NTN1: variants seen among roughly 807,000 people sequenced by gnomAD.
NTN1 encodes netrin 1.
In NTN1, 11 loss-of-function variants were observed where a neutral mutation model predicts 54.2. That is an observed-to-expected ratio of 0.20 (90% CI 0.13 to 0.34). NTN1 has a LOEUF of 0.34. Ranked by LOEUF, NTN1 falls within the 10% of genes least tolerant of loss-of-function variation. The pLI is 1.00. For synonymous variants in NTN1, 371 were observed against 382.0 expected (o/e 0.97, Z 0.33); for missense variants, 740 against 893.1 (o/e 0.83, Z 2.18).
chr17:9,194,318 G>A (rs1295829067), intron 5 of NTN1, among the ~76,000 whole-genome samples: 5 of 152,162 alleles, frequency 3.3e-5, no homozygotes, highest in Non-Finnish European at 5.9e-5. Context: ...GGCTGCTTTC[G>A]AGGATGCAAA....
intron 2 of NTN1, among the ~76,000 whole-genome samples, chr17:9,154,543 T>C (rs4791803): frequency 0.5 from 75,439 of 151,916 alleles, 18,923 homozygotes; most frequent in African/African-American, 0.52. Context: ...AGGAGCCCTT[T>C]GAGAGGTTGG....
intron 2 of NTN1, among the ~76,000 whole-genome samples, chr17:9,133,210 G>A (rs2092271090): frequency 6.6e-6 from 1 of 152,188 alleles, no homozygotes; most frequent in Non-Finnish European, 1.5e-5. Flanking sequence ...GGAGTCTGAC[G>A]GATGCCACCA....
At chr17:9,146,449 C>T (rs1010291876) in intron 2 of NTN1, among the ~76,000 whole-genome samples, 2 of 152,192 alleles carry the variant, frequency 1.3e-5, no homozygotes, top group Non-Finnish European at 2.9e-5. Flanking sequence ...GCACAGACTT[C>T]CTGCCCATTT....
intron 2 of NTN1, among the ~76,000 whole-genome samples, chr17:9,052,054 C>T (rs1442699325): frequency 6.6e-6 from 1 of 152,024 alleles, no homozygotes; most frequent in African/African-American, 2.4e-5. Context: ...CTCACTGCAA[C>T]CTCTGCCTTC....
chr17:9,095,409 C>T (rs1260782316), intron 2 of NTN1, among the ~76,000 whole-genome samples: 1 of 152,200 alleles, frequency 6.6e-6, no homozygotes, highest in Non-Finnish European at 1.5e-5. Flanking sequence ...ATTTTTTATA[C>T]TTAAATCTTG....
intron 2 of NTN1, among the ~76,000 whole-genome samples, chr17:9,148,912 C>G (rs553858525): frequency 9.2e-4 from 140 of 152,012 alleles, no homozygotes; most frequent in Middle Eastern, 3.4e-3. Context: ...AAAGGTCAAG[C>G]AGGGAGGGAT....
chr17:9,171,294 C>T (rs1402017132), intron 3 of NTN1: 2 of 152,208 alleles, frequency 1.3e-5, no homozygotes, highest in East Asian at 1.9e-4. Flanking sequence ...GGACTGTCAT[C>T]CCACCTGCCC....
At chr17:9,015,608 C>T in the NTN1 span, among the ~76,000 whole-genome samples, 1 of 152,150 alleles carries the variant, frequency 6.6e-6, no homozygotes, top group East Asian at 1.9e-4. Context: ...TCGTCCTCCT[C>T]ACTGATTGCT....
chr17:9,231,138 C>T (rs1467146603), intron 6 of NTN1, among the ~76,000 whole-genome samples: 1 of 152,170 alleles, frequency 6.6e-6, no homozygotes, highest in Admixed American at 6.5e-5. Context: ...TACCCGCTGG[C>T]TCTCCCCTGG....
In NTN1 at chr17:9,212,617, C is replaced by T. The variant is rs1217574622; in HGVS notation, c.1412-8551C>T. Among the ~76,000 whole-genome samples, 1 of 152,212 alleles carries T rather than the reference C, an allele frequency of 6.6e-6. No homozygotes were observed. The highest frequency in any genetic ancestry group is 1.9e-4 in the East Asian group (1 of 5,200). ...CCCCTTAAACTCTTTCACCCTGGGCCAGGGAGAACCAGGGGCTCCTCCCCT... is the reference window on the plus strand; with the variant it reads ...CCCCTTAAACTCTTTCACCCTGGGCTAGGGAGAACCAGGGGCTCCTCCCCT... On this transcript the variant is annotated intron_variant, in intron 5 of 6. Transcript: ENST00000173229. This position sits in a 1 kb window ranked among gnomAD's most constrained non-coding sequence, Gnocchi z 5.5.
intron 2 of NTN1, among the ~76,000 whole-genome samples, chr17:9,160,320 G>T (rs2142296658): frequency 6.6e-6 from 1 of 152,202 alleles, no homozygotes; most frequent in South Asian, 2.1e-4. Flanking sequence ...GGCCAGGCTG[G>T]TCTCAAACTC....
chr17:9,118,797 A>G lies in NTN1; in HGVS notation c.1019-44016A>G, dbSNP rs561178522. Among the ~76,000 whole-genome samples the G allele has an allele frequency of 6.6e-5, 10 of 152,352 alleles. No homozygotes were observed. In the South Asian group the frequency reaches 1.5e-3, roughly 22 times the overall value. ...CCGTGACATAATACTCTCTAGGTCT[A>G]TCCAGTCTCAAGGTTGTAGCATGTA... On this transcript the variant is annotated intron_variant, in intron 2 of 6. Transcript: ENST00000173229.
At chr17:9,227,525 T>C (rs1404879261) in intron 6 of NTN1, among the ~76,000 whole-genome samples, 2 of 136,384 alleles carry the variant, frequency 1.5e-5, no homozygotes, top group Non-Finnish European at 3.1e-5. Context: ...ACCACACACA[T>C]CAAACACAGA....
chr17:9,057,043 T>C (rs1013036714), intron 2 of NTN1, among the ~76,000 whole-genome samples: 1 of 152,076 alleles, frequency 6.6e-6, no homozygotes. Flanking sequence ...CAAAATCTTA[T>C]TTGGAAACTC....
intron 2 of NTN1, among the ~76,000 whole-genome samples, chr17:9,139,106 C>G (rs2092289920): frequency 6.6e-6 from 1 of 152,020 alleles, no homozygotes; most frequent in South Asian, 2.1e-4. Flanking sequence ...AAGGCCCAAG[C>G]ATAGTCTTTC....
intron 5 of NTN1, among the ~76,000 whole-genome samples, chr17:9,195,757 C>G (rs7207143): frequency 0.41 from 61,587 of 152,032 alleles, 13,192 homozygotes; most frequent in Middle Eastern, 0.51. Context: ...GCTCGCCTGG[C>G]AGAATCTTCA....
chr17:9,006,614 A>G, the NTN1 span, among the ~76,000 whole-genome samples: 2 of 152,186 alleles, frequency 1.3e-5, no homozygotes, highest in Non-Finnish European at 2.9e-5. Context: ...GTGCAACATG[A>G]ATCTTCTTTA....
At chr17:9,104,655 G>C (rs999813294) in intron 2 of NTN1, among the ~76,000 whole-genome samples, 1 of 152,232 alleles carries the variant, frequency 6.6e-6, no homozygotes, top group Non-Finnish European at 1.5e-5. Context: ...GGGCCAGCTG[G>C]CATGAAGCCG....
chr17:9,051,687 G>T (rs1424648625), intron 2 of NTN1, among the ~76,000 whole-genome samples: 4 of 151,086 alleles, frequency 2.6e-5, no homozygotes, highest in Admixed American at 1.3e-4. Context: ...ATTTTTTTTT[G>T]AGTGAGAACA....
Sources: gnomAD v4.1 joint callset for allele counts (sites outside exome capture counted in the v4.1 genomes callset) on GRCh38, gnomAD v4.1.1 for gene constraint, Gnocchi (gnomAD v3.1) non-coding constraint, MANE v1.5 for transcripts, NCBI Gene and HGNC (gene_info 2026-07-23, HGNC 2026-07-21) for gene names.